The following MICU1 variants were observed in gnomAD, a reference collection of about 807,000 sequenced individuals.
The protein encoded by MICU1 is calcium uptake protein 1, mitochondrial.
MICU1 carries 45 observed loss-of-function variants against 56.8 expected under a neutral mutation model. The observed-to-expected ratio is 0.79, with a 90% CI of 0.62 to 1.02. The LOEUF (loss-of-function observed/expected upper bound fraction) is 1.02, where lower values mean the gene tolerates loss of function less well. Ranked by LOEUF, MICU1 falls within the 50% of genes least tolerant of loss-of-function variation. MICU1 has a pLI of 0.00. For synonymous variants in MICU1, 186 were observed against 195.1 expected, an observed-to-expected ratio of 0.95 and a Z score of 0.39; for missense variants, 504 against 587.1, an observed-to-expected ratio of 0.86 and a Z score of 1.46.
chr10:72,391,465 T>G (rs1360057793), intron 10 of MICU1, among the ~76,000 whole-genome samples: 1 of 151,746 alleles, frequency 6.6e-6, no homozygotes, highest in Non-Finnish European at 1.5e-5. Flanking sequence ...TAAAATAAAA[T>G]TTAAGAAAAG....
chr10:72,572,026 C>T (rs200548044), intron 1 of MICU1, among the ~76,000 whole-genome samples: 1 of 135,874 alleles, frequency 7.4e-6, no homozygotes, highest in East Asian at 2.1e-4. Context: ...AAAAAAAAAA[C>T]AAACACTAAG....
At chr10:72,400,088 C>T (rs1264945624) in intron 10 of MICU1, among the ~76,000 whole-genome samples, 3 of 152,046 alleles carry the variant, frequency 2.0e-5, no homozygotes, top group Non-Finnish European at 4.4e-5. Flanking sequence ...AAAACAAACC[C>T]CAAACATACA....
intron 8 of MICU1, among the ~76,000 whole-genome samples, chr10:72,441,550 T>TA (rs767598097): frequency 3.9e-4 from 54 of 139,186 alleles, no homozygotes; most frequent in African/African-American, 1.4e-3. Flanking sequence ...CTTAAATTAT[T>TA]TAAAAAAAAA....
chr10:72,518,615 A>C, intron 5 of MICU1, among the ~76,000 whole-genome samples: 1 of 152,200 alleles, frequency 6.6e-6, no homozygotes, highest in Non-Finnish European at 1.5e-5. Context: ...TTCATCTTCA[A>C]GTTCCTGAGG....
chr10:72,410,749 A>T (rs1863782183), intron 9 of MICU1, among the ~76,000 whole-genome samples: 1 of 152,226 alleles, frequency 6.6e-6, no homozygotes, highest in African/African-American at 2.4e-5. Context: ...ATTTGAGGTC[A>T]GTCTCTTGGC....
At chr10:72,436,241 C>T (rs1864713507) in intron 8 of MICU1, among the ~76,000 whole-genome samples, 1 of 152,182 alleles carries the variant, frequency 6.6e-6, no homozygotes, top group Non-Finnish European at 1.5e-5. Context: ...TGCTGTTCTG[C>T]AGCCTCCACT....
At chr10:72,550,901 A>G (rs1840019129) in intron 4 of MICU1, among the ~76,000 whole-genome samples, 1 of 152,162 alleles carries the variant, frequency 6.6e-6, no homozygotes, top group East Asian at 1.9e-4. Context: ...TTGTATGTGT[A>G]ATGTATTGCC....
At chr10:72,512,780 G>A (rs115475570) in intron 5 of MICU1, among the ~76,000 whole-genome samples, 174 of 152,166 alleles carry the variant, frequency 1.1e-3, no homozygotes, top group African/African-American at 3.8e-3. Context: ...GATCACCGCA[G>A]CCTTGACCTC....
intron 6 of MICU1, among the ~76,000 whole-genome samples, chr10:72,484,481 G>C (rs1297127320): frequency 6.6e-6 from 1 of 152,032 alleles, no homozygotes; most frequent in Non-Finnish European, 1.5e-5. Context: ...GTATTACGTT[G>C]TATCATGATT....
At chr10:72,386,530 G>A (rs1292534701) in intron 10 of MICU1, among the ~76,000 whole-genome samples, 2 of 148,014 alleles carry the variant, frequency 1.4e-5, no homozygotes, top group African/African-American at 2.5e-5. Flanking sequence ...ATATAGAGCC[G>A]CACTCATCCC....
intron 8 of MICU1, among the ~76,000 whole-genome samples, chr10:72,459,539 G>A (rs1865584651): frequency 6.6e-6 from 1 of 152,040 alleles, no homozygotes; most frequent in African/African-American, 2.4e-5. Flanking sequence ...TGATCTGGCT[G>A]AGACCCATCC....
chr10:72,593,846 A>G (rs745879191), intron 1 of MICU1, among the ~76,000 whole-genome samples: 1 of 152,202 alleles, frequency 6.6e-6, no homozygotes, highest in African/African-American at 2.4e-5. Flanking sequence ...TGAAAACTAC[A>G]AAACACTGTT....
chr10:72,387,167 A>G (rs1195063798), intron 10 of MICU1, among the ~76,000 whole-genome samples: 1 of 152,198 alleles, frequency 6.6e-6, no homozygotes, highest in African/African-American at 2.4e-5. Context: ...TTCATTCAGT[A>G]AAAAGCGGAT....
chr10:72,622,257 T>A (rs61864374), intron 1 of MICU1, among the ~76,000 whole-genome samples: 46 of 147,340 alleles, frequency 3.1e-4, no homozygotes, highest in African/African-American at 5.8e-4. Context: ...AAAAAAAACA[T>A]GAAAATTATT....
At chr10:72,548,296 C>T (rs1414484608) in intron 4 of MICU1, among the ~76,000 whole-genome samples, 1 of 151,998 alleles carries the variant, frequency 6.6e-6, no homozygotes, top group Non-Finnish European at 1.5e-5. Flanking sequence ...GCGAAAAAAA[C>T]AGTAAAGACT....
intron 8 of MICU1, among the ~76,000 whole-genome samples, chr10:72,426,442 G>A (rs1007346368): frequency 6.6e-6 from 1 of 150,768 alleles, no homozygotes; most frequent in African/African-American, 2.4e-5. Flanking sequence ...CTGTCACCCA[G>A]GCTGGAGTGC....
chr10:72,419,606 T>C (rs1403902072), intron 9 of MICU1, among the ~76,000 whole-genome samples: 1 of 152,232 alleles, frequency 6.6e-6, no homozygotes, highest in Non-Finnish European at 1.5e-5. Context: ...GCATGCAACA[T>C]TTCTTGCACA....
At chr10:72,384,057 G>C (rs1189397892) in intron 10 of MICU1, among the ~76,000 whole-genome samples, 1 of 151,884 alleles carries the variant, frequency 6.6e-6, no homozygotes, top group Non-Finnish European at 1.5e-5. Context: ...GCAGTAGTGA[G>C]GGCACAGCTC....
chr10:72,480,616 A>T (rs1866263906), intron 6 of MICU1, among the ~76,000 whole-genome samples: 1 of 152,266 alleles, frequency 6.6e-6, no homozygotes, highest in Non-Finnish European at 1.5e-5. Context: ...GCATCACAAT[A>T]TCCAGAGGAA....
Sources: gnomAD v4.1 joint callset for allele counts (sites outside exome capture counted in the v4.1 genomes callset) on GRCh38, gnomAD v4.1.1 for gene constraint, MANE v1.5 for transcripts, NCBI Gene and HGNC (gene_info 2026-07-23, HGNC 2026-07-21) for gene names.